The following TMEM63B variants were observed in gnomAD, a reference collection of about 807,000 sequenced individuals.
TMEM63B encodes transmembrane protein 63B.
In TMEM63B, 23 loss-of-function variants were observed where a neutral mutation model predicts 102.6. The observed-to-expected ratio is 0.22, with a 90% confidence interval of 0.16 to 0.32. The LOEUF is 0.32. TMEM63B is among the 10% of genes least tolerant of loss of function. The pLI, the probability that TMEM63B is intolerant of heterozygous loss-of-function variation, is 1.00. For synonymous variants in TMEM63B, 444 were observed against 437.0 expected, an observed-to-expected ratio of 1.02 and a Z score of -0.20; for missense variants, 628 against 1,095.9, an observed-to-expected ratio of 0.57 and a Z score of 6.03.
chr6:44,126,990 CGGA>C (rs1158658856), upstream of TMEM63B: 4 of 152,292 alleles, frequency 2.6e-5, no homozygotes, highest in Non-Finnish European at 5.9e-5. Context: ...GCGGAGAAGC[CGGA>C]GGAGACGCTC....
In TMEM63B at chr6:44,139,505, T is replaced by C. The variant is rs778002704; in HGVS notation, c.446T>C (p.Val149Ala). 7 of 1,614,214 alleles carry C rather than the reference T, an allele frequency of 4.3e-6. No individual in the cohort carries two copies. The highest frequency in any genetic ancestry group is 3.4e-6 in the Non-Finnish European group (4 of 1,180,038). Residue 149 changes from valine (V) to alanine (A), a missense_variant, in exon 7 of 24, where the codon GTG becomes GCG. Val to Ala is a moderately conservative substitution (Grantham distance 64). Coordinates refer to ENST00000323267, the MANE Select transcript of TMEM63B (RefSeq NM_018426.3). ...CGGGACAAATGTGGGGGCGATGCCGTGCACTACCTGTCCTTTCAGCGGCAC... is the reference window on the plus strand; with the variant it reads ...CGGGACAAATGTGGGGGCGATGCCGCGCACTACCTGTCCTTTCAGCGGCAC... ...EIRDKCGGDA[V>A]HYLSFQRHII...
intron 20 of TMEM63B, among the ~76,000 whole-genome samples, chr6:44,153,262 C>T (rs1264069203): frequency 1.3e-5 from 2 of 152,220 alleles, no homozygotes; most frequent in Non-Finnish European, 2.9e-5. Flanking sequence ...CCTTAACCAA[C>T]CCTCCCTGGT....
rs749427014 is a variant in TMEM63B at position 44,153,868 on chromosome 6, G to C, written c.2110+25G>C. On this transcript the variant is annotated intron_variant, in intron 21 of 23. Transcript: ENST00000323267. ...GGTGAGGGATCCCTACCCAGGGAAC[G>C]GGGGGTGGCGAGCAGAGTGGATTCC... The C allele has an allele frequency of 4.4e-6, 7 of 1,603,952 alleles. No homozygotes were observed. In the African/African-American group the frequency reaches 5.3e-5, roughly 12 times the overall value.
Position 44,147,419 on chromosome 6 carries a change from G to A in TMEM63B, c.906G>A (p.Gln302=). The change falls in exon 12 of 24, where the codon CAG becomes CAA. Residue 302 remains glutamine (Q), a synonymous_variant. Transcript: ENST00000323267. ...GAAAGCTGTACTTCACAAACCTCCA[G>A]AGCAAGGAGAACGTGCCTACCATGA... ...ERGKLYFTNL[Q]SKENVPTMIN... 1 of 1,614,184 alleles carries A rather than the reference G, an allele frequency of 6.2e-7. No individual in the cohort carries two copies. Among genetic ancestry groups the A allele is most frequent in the Non-Finnish European group, 8.5e-7 (1 of 1,180,048 alleles).
At chr6:44,135,432 T>G (rs528049400) in intron 4 of TMEM63B, 66 bp downstream of exon 4, 22 of 1,542,982 alleles carry the variant, frequency 1.4e-5, no homozygotes, top group South Asian at 1.2e-4. Context: ...CTCACGCTTC[T>G]CTTCTCTTCC....
Position 44,148,453 on chromosome 6 carries a change from C to A in TMEM63B, c.1122-60C>A. The A allele has an allele frequency of 6.2e-7, 1 of 1,612,520 alleles. No individual in the cohort carries two copies. On this transcript the variant is annotated intron_variant, in intron 13 of 23. Coordinates refer to ENST00000323267, the MANE Select transcript of TMEM63B (RefSeq NM_018426.3). The surrounding 1 kb of genome is among the most constrained non-coding windows in gnomAD (Gnocchi z 5.1). ...GGCTCCCTGACCCCTGTGCTCATGG[C>A]CTTCTGCCAGCAGTGTGGCCTCCAG...
chr6:44,154,402 G>A lies in TMEM63B; in HGVS notation c.2264G>A (p.Ser755Asn), dbSNP rs1322524428. The A allele has an allele frequency of 4.3e-5, 70 of 1,613,934 alleles. 1 individual carries two copies. In the East Asian group the frequency reaches 1.6e-3, roughly 36 times the overall value. The change falls in exon 23 of 24, where the codon AGC becomes AAC. Residue 755 changes from serine (S) to asparagine (N), a missense_variant. Physicochemically the swap from Ser to Asn is conservative, Grantham distance 46. This residue lies in a region of TMEM63B where 129 missense variants were observed against 153.5 expected (regional missense o/e 0.84). Transcript: ENST00000323267. ...GAGACAGATACTGTGGACCCCAGAA[G>A]CAATGGACGGCCCCCCACTGCTGCT... Reference protein sequence around the residue: ...HTETDTVDPRSNGRPPTAAAV... With the variant: ...HTETDTVDPRNNGRPPTAAAV...
intron 18 of TMEM63B, among the ~76,000 whole-genome samples, chr6:44,151,330 G>C (rs539726673): frequency 1.3e-5 from 2 of 152,146 alleles, no homozygotes; most frequent in African/African-American, 4.8e-5. Context: ...TTTGCTGTAG[G>C]CCATCTGTGG....
intron 10 of TMEM63B, among the ~76,000 whole-genome samples, chr6:44,141,888 A>T (rs994694052): frequency 1.9e-4 from 28 of 148,412 alleles, no homozygotes; most frequent in African/African-American, 6.7e-4. Context: ...TTGGGAGGCC[A>T]AAGTGGGCAG....
chr6:44,155,181 A>C lies in TMEM63B; in HGVS notation c.*298A>C. The C allele has an allele frequency of 4.7e-6, 1 of 212,686 alleles. No individual in the cohort carries two copies. The highest frequency in any genetic ancestry group is 9.3e-6 in the Non-Finnish European group (1 of 107,676). 13.2% of individuals were successfully genotyped at this position (212,686 alleles called of 1,614,324 possible). On this transcript the variant is annotated 3_prime_UTR_variant, in exon 24 of 24. Coordinates refer to ENST00000323267, the MANE Select transcript of TMEM63B (RefSeq NM_018426.3). Reference sequence around the variant, plus strand: ...TAGTAGCATGACCAGGAGAGGGTTAATGAGAGCCAAGAGGAGTACCTGGTG... The same window carrying C: ...TAGTAGCATGACCAGGAGAGGGTTACTGAGAGCCAAGAGGAGTACCTGGTG...
intron 1 of TMEM63B, among the ~76,000 whole-genome samples, chr6:44,128,329 A>G (rs1420312732): frequency 5.3e-5 from 8 of 151,894 alleles, no homozygotes; most frequent in Non-Finnish European, 1.0e-4. Flanking sequence ...CACACAGTGC[A>G]GTTCATTCAT....
Position 44,152,778 on chromosome 6 carries a change from C to A in TMEM63B, c.1942+80C>A. On this transcript the variant is annotated intron_variant, in intron 20 of 23. Coordinates refer to ENST00000323267, the MANE Select transcript of TMEM63B (RefSeq NM_018426.3). The surrounding 1 kb of genome is among the most constrained non-coding windows in gnomAD (Gnocchi z 6.4). The stretch of plus-strand genomic sequence containing the variant: ...CCCTCTCCACTCTAGGAATGCAGGC[C>A]ACCCCGAGTGGACAGGGCCCGGCTG... 8.1e-7 allele frequency: 1 copy of A among 1,230,986 alleles called. No homozygotes were observed. Among genetic ancestry groups the A allele is most frequent in the Non-Finnish European group, 1.2e-6 (1 of 858,038 alleles). 76.3% of individuals were successfully genotyped at this position (1,230,986 alleles called of 1,614,324 possible).
At chr6:44,149,837 G>GA (rs1164654840) in intron 15 of TMEM63B, 22 bp from the exon 16 acceptor site, 18 of 1,590,594 alleles carry the variant, frequency 1.1e-5, no homozygotes. Context: ...CCTGCCTGAC[G>GA]CCCCCCTGTG....
chr6:44,135,455 G>C, intron 4 of TMEM63B, 89 bp downstream of exon 4: 2 of 1,495,078 alleles, frequency 1.3e-6, no homozygotes, highest in Non-Finnish European at 1.8e-6. Context: ...CCAAGTTGCT[G>C]GTTTCTTTTT....
In TMEM63B at chr6:44,152,132, C is replaced by T; in HGVS notation, c.1836+124C>T. 2.4e-6 allele frequency: 3 copies of T among 1,225,424 alleles called. No individual in the cohort carries two copies. The highest frequency in any genetic ancestry group is 1.1e-6 in the Non-Finnish European group (1 of 908,948). 75.9% of individuals were successfully genotyped at this position (1,225,424 alleles called of 1,614,324 possible). ...TGAGACTTGGGGAGTACAGTTGACTCACGGTGGATCCGGGCCATCCCCTTC... is the reference window on the plus strand; with the variant it reads ...TGAGACTTGGGGAGTACAGTTGACTTACGGTGGATCCGGGCCATCCCCTTC... On this transcript the variant is annotated intron_variant, in intron 19 of 23. Coordinates refer to ENST00000323267, the MANE Select transcript of TMEM63B (RefSeq NM_018426.3). This position sits in a 1 kb window ranked among gnomAD's most constrained non-coding sequence, Gnocchi z 6.4.
At position 44,152,613 on chromosome 6, in the gene TMEM63B, G is replaced by A. The variant is rs1203107012; in HGVS notation, c.1857G>A (p.Gln619=). The A allele has an allele frequency of 6.2e-7, 1 of 1,608,666 alleles. No homozygotes were observed. The highest frequency in any genetic ancestry group is 8.5e-7 in the Non-Finnish European group (1 of 1,179,904). Residue 619 remains glutamine, a synonymous_variant, in exon 20 of 24, where the codon CAG becomes CAA. Coordinates refer to ENST00000323267, the MANE Select transcript of TMEM63B (RefSeq NM_018426.3). This position sits in a 1 kb window ranked among gnomAD's most constrained non-coding sequence, Gnocchi z 6.4. ...CCCAGCATCAGGCCTACGAGTTCCA[G>A]TTTGGCGCAGCCTACGCCTGGATGA... ...NVKRHQAYEF[Q]FGAAYAWMMC... is the part of the protein sequence containing the mutation.
chr6:44,138,471 T>C lies in TMEM63B; in HGVS notation c.370-9T>C. 2 of 1,614,002 alleles carry C rather than the reference T, an allele frequency of 1.2e-6. No homozygotes were observed. The highest frequency in any genetic ancestry group is 1.7e-6 in the Non-Finnish European group (2 of 1,179,968). Reference sequence around the variant, plus strand: ...GGGGACTCCCGCTGACAGCCCTCTGTTCCCCCAGGGTTTCTGTTCCTGGCT... The same window carrying C: ...GGGGACTCCCGCTGACAGCCCTCTGCTCCCCCAGGGTTTCTGTTCCTGGCT... On this transcript the variant is annotated splice_polypyrimidine_tract_variant and intron_variant, in intron 5 of 23. Coordinates refer to ENST00000323267, the MANE Select transcript of TMEM63B (RefSeq NM_018426.3).
At chr6:44,141,314 G>A (rs1294564108) in intron 10 of TMEM63B, among the ~76,000 whole-genome samples, 1 of 152,182 alleles carries the variant, frequency 6.6e-6, no homozygotes, top group Non-Finnish European at 1.5e-5. Context: ...AAAACCTGAA[G>A]AGTGAGTCAT....
intron 1 of TMEM63B, among the ~76,000 whole-genome samples, chr6:44,128,617 G>A (rs1046331946): frequency 5.3e-5 from 8 of 152,252 alleles, no homozygotes; most frequent in African/African-American, 1.2e-4. Flanking sequence ...TGGCCGCTCG[G>A]GGCAAGCCTG....
Sources: gnomAD v4.1 joint callset for allele counts (sites outside exome capture counted in the v4.1 genomes callset) on GRCh38, gnomAD v4.1.1 for gene constraint, gnomAD v4.1.1 regional missense constraint, Gnocchi (gnomAD v3.1) non-coding constraint, MANE v1.5 for transcripts, NCBI Gene and HGNC (gene_info 2026-07-23, HGNC 2026-07-21) for gene names.